Variants in SLC35F3 observed in about 807,000 individuals in gnomAD.
The protein encoded by SLC35F3 is solute carrier family 35 member F3, also known as putative thiamine transporter SLC35F3.
A neutral mutation model predicts 49.9 loss-of-function variants in SLC35F3; 25 were observed. The ratio of observed to expected loss-of-function variants is 0.50; its 90% confidence interval spans 0.37 to 0.70. SLC35F3 has a LOEUF of 0.70. SLC35F3 is among the 30% of genes least tolerant of loss of function. The probability of loss-of-function intolerance (pLI) is 0.00; values close to 1 mark genes in which losing one functional copy is unlikely to be tolerated. For synonymous variants in SLC35F3, 275 were observed against 265.4 expected (o/e 1.04, Z -0.35); for missense variants, 525 against 639.8 (o/e 0.82, Z 1.94).
intron 2 of SLC35F3, among the ~76,000 whole-genome samples, chr1:233,948,472 C>T (rs1007183007): frequency 6.6e-6 from 1 of 151,898 alleles, no homozygotes; most frequent in Admixed American, 6.6e-5. Context: ...AACAGTTAAA[C>T]CACAAGGCTA....
chr1:234,267,859 G>A (rs1668019760), intron 3 of SLC35F3, among the ~76,000 whole-genome samples: 1 of 144,100 alleles, frequency 6.9e-6, no homozygotes, highest in African/African-American at 2.7e-5. Flanking sequence ...CCCAGACAGG[G>A]CGGCGGGGCA....
intron 2 of SLC35F3, among the ~76,000 whole-genome samples, chr1:234,159,838 C>G (rs1438597662): frequency 1.3e-5 from 2 of 152,292 alleles, no homozygotes; most frequent in Admixed American, 1.3e-4. Flanking sequence ...AAAATAATCA[C>G]TACACAATCA....
intron 2 of SLC35F3, among the ~76,000 whole-genome samples, chr1:234,044,093 C>T (rs892164150): frequency 2.6e-5 from 4 of 152,142 alleles, no homozygotes; most frequent in South Asian, 2.1e-4. Context: ...GACCTTCTCA[C>T]GGTAGTGAGT....
chr1:233,936,381 C>T (rs1335757043), intron 2 of SLC35F3, among the ~76,000 whole-genome samples: 2 of 152,174 alleles, frequency 1.3e-5, no homozygotes, highest in African/African-American at 4.8e-5. Flanking sequence ...CTGTCTGTAT[C>T]ATAATATCGT....
chr1:234,045,280 A>G (rs1664272925), intron 2 of SLC35F3, among the ~76,000 whole-genome samples: 1 of 152,172 alleles, frequency 6.6e-6, no homozygotes, highest in Non-Finnish European at 1.5e-5. Flanking sequence ...TCACAAATAG[A>G]ATCAGATTGT....
At chr1:234,255,901 A>G (rs1667814841) in intron 3 of SLC35F3, among the ~76,000 whole-genome samples, 1 of 152,202 alleles carries the variant, frequency 6.6e-6, no homozygotes, top group African/African-American at 2.4e-5. Context: ...CAAAAACCCT[A>G]CAAATCCAAA....
chr1:234,321,172 G>A (rs1191828824), intron 7 of SLC35F3, among the ~76,000 whole-genome samples: 1 of 151,922 alleles, frequency 6.6e-6, no homozygotes, highest in Non-Finnish European at 1.5e-5. Context: ...AAAGGCGCTC[G>A]ACCTCTCTGC....
At chr1:233,999,585 C>T (rs1193735871) in intron 2 of SLC35F3, among the ~76,000 whole-genome samples, 4 of 152,052 alleles carry the variant, frequency 2.6e-5, no homozygotes, top group African/African-American at 9.7e-5. Flanking sequence ...TGCTTGTTTC[C>T]TGTTTCGCTT....
At chr1:233,933,035 TA>T (rs59669736) in intron 2 of SLC35F3, among the ~76,000 whole-genome samples, 38,114 of 134,808 alleles carry the variant, frequency 0.28, 6,034 homozygotes, top group Admixed American at 0.46. Context: ...GCTATTTAAG[TA>T]AAAAAAAAAA....
intron 2 of SLC35F3, among the ~76,000 whole-genome samples, chr1:234,199,424 T>C (rs995947464): frequency 6.6e-6 from 1 of 152,264 alleles, no homozygotes; most frequent in Middle Eastern, 3.4e-3. Context: ...CTGGGAAAAC[T>C]GTATGTTCAT....
At chr1:234,098,860 A>G (rs1357529934) in intron 2 of SLC35F3, among the ~76,000 whole-genome samples, 4 of 147,730 alleles carry the variant, frequency 2.7e-5, no homozygotes, top group Non-Finnish European at 4.5e-5. Flanking sequence ...GTGGCAGTTC[A>G]GATGGCGGTG....
chr1:234,275,712 C>A (rs1316462923), intron 3 of SLC35F3, among the ~76,000 whole-genome samples: 1 of 148,424 alleles, frequency 6.7e-6, no homozygotes, highest in Non-Finnish European at 1.5e-5. Flanking sequence ...GTTCTCCGAT[C>A]AGGTCAACTC....
At chr1:234,234,990 G>T (rs1572107781) in intron 3 of SLC35F3, among the ~76,000 whole-genome samples, 1 of 152,142 alleles carries the variant, frequency 6.6e-6, no homozygotes, top group Non-Finnish European at 1.5e-5. Flanking sequence ...CTGCCTTGTG[G>T]TGGCCAATTT....
Position 234,179,169 on chromosome 1 carries a change from G to A in SLC35F3, c.284-52248G>A, listed in dbSNP as rs1327157991. On this transcript the variant is annotated intron_variant, in intron 2 of 7. Coordinates refer to ENST00000366618, the MANE Select transcript of SLC35F3 (RefSeq NM_173508.4). Reference sequence around the variant, plus strand: ...AACTTCCTCAGCTGCGATCATTTCAGACCTGAGTAGAATAGAACTCCTACG... The same window carrying A: ...AACTTCCTCAGCTGCGATCATTTCAAACCTGAGTAGAATAGAACTCCTACG... 2.0e-5 allele frequency among the ~76,000 whole-genome samples: 3 copies of A among 152,136 alleles called. No homozygotes were observed. The East Asian group carries it at 5.8e-4, about 29-fold the overall frequency.
At chr1:234,115,775 A>G (rs1034301317) in intron 2 of SLC35F3, among the ~76,000 whole-genome samples, 1 of 152,184 alleles carries the variant, frequency 6.6e-6, no homozygotes, top group East Asian at 1.9e-4. Flanking sequence ...TTATAAAATC[A>G]AGGGCATTTT....
intron 2 of SLC35F3, among the ~76,000 whole-genome samples, chr1:233,960,009 T>C (rs1662768535): frequency 6.6e-6 from 1 of 152,196 alleles, no homozygotes. Context: ...GTGTGTTTCC[T>C]CTTCAGCACA....
At chr1:234,187,875 T>C (rs1666668897) in intron 2 of SLC35F3, among the ~76,000 whole-genome samples, 2 of 152,070 alleles carry the variant, frequency 1.3e-5, no homozygotes, top group African/African-American at 2.4e-5. Context: ...TTGTAACAAT[T>C]ACAACCAGAG....
At chr1:233,962,563 A>G (rs1294983674) in intron 2 of SLC35F3, among the ~76,000 whole-genome samples, 1 of 152,236 alleles carries the variant, frequency 6.6e-6, no homozygotes, top group African/African-American at 2.4e-5. Flanking sequence ...AAATGAATCA[A>G]GGTCTTTGGT....
intron 3 of SLC35F3, among the ~76,000 whole-genome samples, chr1:234,281,086 C>G (rs927917970): frequency 2.2e-5 from 3 of 134,324 alleles, no homozygotes; most frequent in Non-Finnish European, 3.2e-5. Flanking sequence ...TTGTGTCCCC[C>G]CCCCATGCTC....
Sources: gnomAD v4.1 joint callset for allele counts (sites outside exome capture counted in the v4.1 genomes callset) on GRCh38, gnomAD v4.1.1 for gene constraint, MANE v1.5 for transcripts, NCBI Gene and HGNC (gene_info 2026-07-23, HGNC 2026-07-21) for gene names.